The following ANKRD2 variants were observed in gnomAD, a reference collection of about 807,000 sequenced individuals.
ANKRD2 encodes ankyrin repeat domain 2, also known as ankyrin repeat domain-containing protein 2.
Under a neutral mutation model 37.3 loss-of-function variants are expected in ANKRD2, and 35 were observed. The ratio of observed to expected loss-of-function variants is 0.94; its 90% confidence interval spans 0.72 to 1.24. The LOEUF (loss-of-function observed/expected upper bound fraction) is 1.24, where lower values mean the gene tolerates loss of function less well. Among genes scored for constraint, ANKRD2 ranks in the 50% most tolerant of loss-of-function variants. ANKRD2 has a pLI of 0.00. For synonymous variants in ANKRD2, 159 were observed against 186.5 expected (o/e 0.85, Z 1.20); for missense variants, 410 against 445.6 (o/e 0.92, Z 0.72).
chr10:97,580,548 T>C lies in ANKRD2; in HGVS notation c.457-307T>C, dbSNP rs116786529. 3.1e-3 allele frequency among the ~76,000 whole-genome samples: 469 copies of C among 151,344 alleles called. 7 individuals are homozygous for C. Among genetic ancestry groups the C allele is most frequent in the African/African-American group, 0.011 (448 of 41,258 alleles). On this transcript the variant is annotated intron_variant, in intron 4 of 8. Coordinates refer to ENST00000370655, the MANE Select transcript of ANKRD2 (RefSeq NM_001346793.2). Reference sequence around the variant, plus strand: ...GCATTTGAGCTGCATCTTGAAGGAGTAGCAGATTTTATCAAGCACTCCCAG... The same window carrying C: ...GCATTTGAGCTGCATCTTGAAGGAGCAGCAGATTTTATCAAGCACTCCCAG...
intron 1 of ANKRD2, among the ~76,000 whole-genome samples, chr10:97,577,540 T>G (rs1024791155): frequency 1.3e-5 from 2 of 152,244 alleles, no homozygotes; most frequent in Admixed American, 6.5e-5. Flanking sequence ...CCTTTAATGT[T>G]GTTTTGCAGG....
At position 97,581,322 on chromosome 10, in the gene ANKRD2, T is replaced by G. The variant is rs1263912024; in HGVS notation, c.562T>G (p.Cys188Gly). ...CCCCCTCATTTCTTTCTAGCTGGAC[T>G]GCACAGCCATGCATTGGGCCTGCCG... ...ATVDFQDRLD[C>G]TAMHWACRGG... is the part of the protein sequence containing the mutation. The change falls in exon 6 of 9, where the codon TGC (cysteine) becomes GGC (glycine). Residue 188 changes from cysteine to glycine, a missense_variant. Transcript: ENST00000370655. The G allele has an allele frequency of 3.1e-6, 5 of 1,614,092 alleles. No individual in the cohort carries two copies. The highest frequency in any genetic ancestry group is 4.2e-6 in the Non-Finnish European group (5 of 1,179,966).
At position 97,581,346 on chromosome 10, in the gene ANKRD2, C is replaced by T. The variant is rs747956625; in HGVS notation, c.586C>T (p.Arg196Cys). 24 of 1,614,032 alleles carry T rather than the reference C, an allele frequency of 1.5e-5. No homozygotes were observed. Among genetic ancestry groups the T allele is most frequent in the South Asian group, 2.2e-5 (2 of 91,082 alleles). ...LDCTAMHWAC[R>C]GGHLEVVKLL... ...CTGCACAGCCATGCATTGGGCCTGC[C>T]GCGGGGGCCACTTAGAGGTGGTGAA... Residue 196 changes from arginine (R) to cysteine (C), a missense_variant, in exon 6 of 9, where the codon CGC becomes TGC. Arg to Cys is a radical substitution (Grantham distance 180). Coordinates refer to ENST00000370655, the MANE Select transcript of ANKRD2 (RefSeq NM_001346793.2).
chr10:97,581,477 C>A, intron 6 of ANKRD2, 63 bp downstream of exon 6: 1 of 1,534,372 alleles, frequency 6.5e-7, no homozygotes, highest in Non-Finnish European at 9.0e-7. Context: ...AGGCAGGGGT[C>A]CAAGGGCAGG....
intron 1 of ANKRD2, among the ~76,000 whole-genome samples, chr10:97,573,720 C>G (rs2040789027): frequency 6.6e-6 from 1 of 152,212 alleles, no homozygotes; most frequent in South Asian, 2.1e-4. Flanking sequence ...AGCCACCATG[C>G]CCGGCCCCTA....
chr10:97,573,026 TA>T, intron 1 of ANKRD2, 151 bp downstream of exon 1: 1 of 1,054,884 alleles, frequency 9.5e-7, no homozygotes, highest in South Asian at 1.7e-5. Context: ...CCCAGGGTAT[TA>T]CTGGCAGGGG....
Position 97,582,178 on chromosome 10 carries a change from T to C in ANKRD2, c.655-137T>C. The C allele has an allele frequency of 4.5e-6, 3 of 670,078 alleles. No individual in the cohort carries two copies. In the Admixed American group the frequency reaches 7.8e-5, roughly 17 times the overall value. The allele number at this position is 670,078 out of a possible 1,614,324, so 41.5% of individuals were successfully genotyped here. A position where few individuals can be genotyped will look rare whatever the true frequency, so the allele number is the denominator to read the frequency against. On this transcript the variant is annotated intron_variant, in intron 6 of 8. Transcript: ENST00000370655. ...AGGATGGTAAGAAATTGTACCATTC[T>C]CTGCCCCTCCAAGGCTCAGGCCTTG...
At chr10:97,582,435 G>A (rs770317867) in intron 7 of ANKRD2, 22 bp downstream of exon 7, 11 of 1,580,952 alleles carry the variant, frequency 7.0e-6, no homozygotes, top group Admixed American at 3.7e-5. Flanking sequence ...CCTGTCCGCT[G>A]CTCACCCGCC....
At chr10:97,578,962 A>G (rs531717789) in intron 4 of ANKRD2, among the ~76,000 whole-genome samples, 1 of 152,250 alleles carries the variant, frequency 6.6e-6, no homozygotes, top group African/African-American at 2.4e-5. Flanking sequence ...TGCCCTCTCC[A>G]TGCCTCAGTT....
intron 1 of ANKRD2, 120 bp downstream of exon 1, chr10:97,572,995 C>A (rs999353009): frequency 3.0e-6 from 4 of 1,312,234 alleles, no homozygotes; most frequent in African/African-American, 3.0e-5. Context: ...CCCCAGGGGC[C>A]CAGTTGGGCC....
Position 97,583,596 on chromosome 10 carries a change from C to T in ANKRD2, c.873C>T (p.Asp291=). 6.2e-7 allele frequency: 1 copy of T among 1,605,014 alleles called. No individual in the cohort carries two copies. Among genetic ancestry groups the T allele is most frequent in the Non-Finnish European group, 8.5e-7 (1 of 1,176,498 alleles). ...TCCAGGCAGGAAAGACCCCGACGGACCTGGTGCAGCTCTGGCAGGCTGATA... is the reference window on the plus strand; with the variant it reads ...TCCAGGCAGGAAAGACCCCGACGGATCTGGTGCAGCTCTGGCAGGCTGATA... ...TKNLAGKTPT[D]LVQLWQADTR... The change falls in exon 9 of 9, where the codon GAC becomes GAT. Residue 291 remains aspartate (D), a synonymous_variant. Transcript: ENST00000370655.
chr10:97,577,975 C>A (rs1589892382), intron 2 of ANKRD2, 74 bp downstream of exon 2: 2 of 1,401,464 alleles, frequency 1.4e-6, no homozygotes, highest in East Asian at 5.0e-5. Flanking sequence ...CACCTCTCCC[C>A]ACGTGGCCCA....
At chr10:97,578,700 A>T in intron 4 of ANKRD2, 95 bp downstream of exon 4, 1 of 982,448 alleles carries the variant, frequency 1.0e-6, no homozygotes, top group South Asian at 1.7e-5. Context: ...CCTATTTGAG[A>T]GGAGGCACCG....
intron 4 of ANKRD2, among the ~76,000 whole-genome samples, chr10:97,579,294 G>A (rs2040867636): frequency 6.6e-6 from 1 of 150,616 alleles, no homozygotes. Context: ...GTTTCTCATG[G>A]TATAGTACTG....
In ANKRD2 at chr10:97,583,631, C is replaced by A; in HGVS notation, c.908C>A (p.Ala303Asp). Residue 303 changes from alanine (A) to aspartate (D), a missense_variant, in exon 9 of 9, where the codon GCC (alanine) becomes GAC (aspartate). By Grantham distance (126) the Ala-to-Asp change is moderately radical (BLOSUM62 -2). Transcript: ENST00000370655. ...CTCTGGCAGGCTGATACCCGGCACG[C>A]CCTGGAGCATCCTGAGCCGGGGGCT... Reference protein sequence around the residue: ...VQLWQADTRHALEHPEPGAEH... With the variant: ...VQLWQADTRHDLEHPEPGAEH... The A allele has an allele frequency of 6.2e-7, 1 of 1,606,644 alleles. No individual in the cohort carries two copies. The highest frequency in any genetic ancestry group is 8.5e-7 in the Non-Finnish European group (1 of 1,177,166).
At position 97,577,822 on chromosome 10, in the gene ANKRD2, A is replaced by G. The variant is rs773628624; in HGVS notation, c.110A>G (p.Gln37Arg). 6.4e-7 allele frequency: 1 copy of G among 1,569,724 alleles called. No individual in the cohort carries two copies. The highest frequency in any genetic ancestry group is 2.3e-5 in the East Asian group (1 of 43,358). ...CAGAAACTCCGAGGAGACGCACGCCAGAAGCTGCCCATGGACTTGCTGGTG... is the reference window on the plus strand; with the variant it reads ...CAGAAACTCCGAGGAGACGCACGCCGGAAGCTGCCCATGGACTTGCTGGTG... Reference protein sequence around the residue: ...ENEKLRGDARQKLPMDLLVLE... With the variant: ...ENEKLRGDARRKLPMDLLVLE... Residue 37 changes from glutamine (Q) to arginine (R), a missense_variant, in exon 2 of 9, where the codon CAG becomes CGG. Gln to Arg is a conservative substitution (Grantham distance 43). Transcript: ENST00000370655.
chr10:97,581,188 G>A, intron 5 of ANKRD2, 128 bp from the exon 6 acceptor site: 2 of 957,668 alleles, frequency 2.1e-6, no homozygotes, highest in Non-Finnish European at 3.2e-6. Flanking sequence ...TTGGTCCATT[G>A]CCCATGCCCA....
intron 6 of ANKRD2, 60 bp downstream of exon 6, chr10:97,581,474 G>T (rs1179966375): frequency 6.4e-7 from 1 of 1,552,708 alleles, no homozygotes; most frequent in Non-Finnish European, 8.9e-7. Flanking sequence ...GAAAGGCAGG[G>T]GTCCAAGGGC....
chr10:97,576,545 A>G (rs1034427922), intron 1 of ANKRD2, among the ~76,000 whole-genome samples: 5 of 151,638 alleles, frequency 3.3e-5, no homozygotes, highest in African/African-American at 7.3e-5. Flanking sequence ...ATCTGAGAGA[A>G]AAAAAAAATA....
Sources: gnomAD v4.1 joint callset for allele counts (sites outside exome capture counted in the v4.1 genomes callset) on GRCh38, gnomAD v4.1.1 for gene constraint, MANE v1.5 for transcripts, NCBI Gene and HGNC (gene_info 2026-07-23, HGNC 2026-07-21) for gene names.